Variants in PIK3AP1 observed in about 807,000 individuals in gnomAD.
PIK3AP1 encodes phosphoinositide-3-kinase adaptor protein 1, also known as phosphoinositide 3-kinase adapter protein 1.
PIK3AP1 carries 21 observed loss-of-function variants against 88.1 expected under a neutral mutation model. That is an observed-to-expected ratio of 0.24 (90% CI 0.17 to 0.34). The LOEUF (loss-of-function observed/expected upper bound fraction) is 0.34, where lower values mean the gene tolerates loss of function less well. Among genes scored for constraint, PIK3AP1 ranks in the 10% least tolerant of loss-of-function variants. The pLI, the probability that PIK3AP1 is intolerant of heterozygous loss-of-function variation, is 1.00. For synonymous variants in PIK3AP1, 398 were observed against 400.0 expected, an observed-to-expected ratio of 1.00 and a Z score of 0.06; for missense variants, 828 against 1,035.7, an observed-to-expected ratio of 0.80 and a Z score of 2.75.
At chr10:96,649,396 C>T (rs369399994) in intron 6 of PIK3AP1, among the ~76,000 whole-genome samples, 3 of 152,298 alleles carry the variant, frequency 2.0e-5, no homozygotes, top group East Asian at 3.9e-4. Flanking sequence ...ACCATCTTCT[C>T]TAACAGGACT....
intron 13 of PIK3AP1, among the ~76,000 whole-genome samples, chr10:96,614,065 G>A (rs926388733): frequency 5.9e-5 from 9 of 152,102 alleles, no homozygotes; most frequent in East Asian, 1.9e-4. Flanking sequence ...CTGCATGTGC[G>A]TCTGTCCTGC....
rs112380621 is a variant in PIK3AP1 at position 96,654,289 on chromosome 10, T to C, written c.568-1447A>G. On this transcript the variant is annotated intron_variant, in intron 3 of 16. Coordinates refer to ENST00000339364, the MANE Select transcript of PIK3AP1 (RefSeq NM_152309.3). ...GGGGAATGAGCCTCTCAGTCTGAAC[T>C]GGTGAGGGCAGGCTCTCCAAAAAAC... Among the ~76,000 whole-genome samples, 267 of 152,272 alleles carry C rather than the reference T, an allele frequency of 1.8e-3. 2 individuals carry two copies. The highest frequency in any genetic ancestry group is 6.8e-3 in the Middle Eastern group (2 of 294).
chr10:96,669,311 C>T (rs576890000), intron 2 of PIK3AP1, among the ~76,000 whole-genome samples: 23 of 152,232 alleles, frequency 1.5e-4, no homozygotes, highest in Middle Eastern at 3.4e-3. Flanking sequence ...TTCAAAGCCC[C>T]GAATAAAATG....
intron 2 of PIK3AP1, 77 bp from the exon 3 acceptor site, chr10:96,657,011 C>T (rs1221013585): frequency 1.5e-6 from 2 of 1,350,910 alleles, no homozygotes; most frequent in Non-Finnish European, 2.0e-6. Flanking sequence ...ATGAGAGCCC[C>T]AAATATTGCA....
At chr10:96,708,598 AAAAGCAAAAAG>A (rs1326844518) in intron 2 of PIK3AP1, among the ~76,000 whole-genome samples, 131 of 150,902 alleles carry the variant, frequency 8.7e-4, no homozygotes, top group African/African-American at 2.8e-3. Context: ...AAAAAAAAAA[AAAAGCAAAAAG>A]AAAGCAAAAA....
intron 2 of PIK3AP1, among the ~76,000 whole-genome samples, chr10:96,666,292 G>A (rs1184697859): frequency 2.6e-5 from 4 of 151,966 alleles, no homozygotes; most frequent in Non-Finnish European, 5.9e-5. Context: ...GGTAGCAGGC[G>A]CCTGTAGTCC....
In PIK3AP1 at chr10:96,636,417, TA is replaced by T. The variant is rs1272296557; in HGVS notation, c.1376-7925del. Among the ~76,000 whole-genome samples the T allele has an allele frequency of 2.3e-3, 344 of 152,290 alleles. 1 individual carries two copies. Among genetic ancestry groups the T allele is most frequent in the Non-Finnish European group, 3.6e-3 (246 of 68,034 alleles). On this transcript the variant is annotated intron_variant, in intron 8 of 16. Transcript: ENST00000339364. ...TAAAAGGTACCTGGTTACCTGGAGT[TA>T]ATGAGTGATAAAACCCTCTCAGGCT...
intron 2 of PIK3AP1, among the ~76,000 whole-genome samples, chr10:96,708,006 T>C (rs1047241341): frequency 3.9e-5 from 6 of 152,074 alleles, no homozygotes; most frequent in African/African-American, 1.5e-4. Flanking sequence ...TGGTTTAGAG[T>C]AGCCAATTCC....
intron 16 of PIK3AP1, among the ~76,000 whole-genome samples, chr10:96,600,555 C>G (rs970146593): frequency 1.1e-4 from 17 of 152,100 alleles, no homozygotes; most frequent in African/African-American, 3.6e-4. Flanking sequence ...TGGGCCTGGG[C>G]GATGTTTGAG....
intron 8 of PIK3AP1, among the ~76,000 whole-genome samples, chr10:96,634,276 C>T (rs1017965064): frequency 1.3e-5 from 2 of 152,188 alleles, no homozygotes; most frequent in African/African-American, 4.8e-5. Context: ...GGGTGGTCTC[C>T]AGACACAGGG....
chr10:96,696,529 G>A (rs1034639683), intron 2 of PIK3AP1, among the ~76,000 whole-genome samples: 1 of 152,180 alleles, frequency 6.6e-6, no homozygotes, highest in East Asian at 1.9e-4. Flanking sequence ...ATGGCTGGTG[G>A]AAACCAAATT....
intron 2 of PIK3AP1, among the ~76,000 whole-genome samples, chr10:96,682,804 T>G (rs961732879): frequency 6.6e-6 from 1 of 152,224 alleles, no homozygotes; most frequent in African/African-American, 2.4e-5. Flanking sequence ...AGATACAACT[T>G]TTCCATCTCT....
chr10:96,644,194 A>C (rs1843428762), intron 8 of PIK3AP1, among the ~76,000 whole-genome samples: 1 of 152,222 alleles, frequency 6.6e-6, no homozygotes, highest in Non-Finnish European at 1.5e-5. Flanking sequence ...ATTTAGGAAA[A>C]GGGGGAAGGA....
intron 2 of PIK3AP1, among the ~76,000 whole-genome samples, chr10:96,684,446 A>G (rs746667590): frequency 1.3e-5 from 2 of 152,234 alleles, no homozygotes; most frequent in African/African-American, 4.8e-5. Context: ...GGCCCAGCTC[A>G]GTGAGACAAG....
At chr10:96,638,471 GACAC>G (rs60796576) in intron 8 of PIK3AP1, among the ~76,000 whole-genome samples, 5,145 of 148,210 alleles carry the variant, frequency 0.035, 269 homozygotes, top group African/African-American at 0.12. Flanking sequence ...CACACACACA[GACAC>G]ACACACACAC....
chr10:96,679,723 C>T (rs1253995682), intron 2 of PIK3AP1, among the ~76,000 whole-genome samples: 3 of 152,158 alleles, frequency 2.0e-5, no homozygotes, highest in Non-Finnish European at 4.4e-5. Context: ...TGTTCAGCCA[C>T]AGCACCAAGG....
intron 14 of PIK3AP1, among the ~76,000 whole-genome samples, chr10:96,608,152 C>G (rs1849034376): frequency 6.6e-6 from 1 of 152,220 alleles, no homozygotes; most frequent in Admixed American, 6.5e-5. Flanking sequence ...TATTCAATTA[C>G]TCTGAACCTG....
chr10:96,604,023 G>T lies in PIK3AP1; in HGVS notation c.2197C>A (p.Arg733=). Residue 733 remains arginine, a synonymous_variant, in exon 15 of 17, where the codon CGG becomes AGG. Coordinates refer to ENST00000339364, the MANE Select transcript of PIK3AP1 (RefSeq NM_152309.3). ...ASSTSNRSST[R]SLLSVSSGME... Reference sequence around the variant, plus strand: ...CCGCTGCTCACACTGAGGAGGCTCCGGGTGCTGGAGCGGTTACTTGTGCTA... The same window carrying T: ...CCGCTGCTCACACTGAGGAGGCTCCTGGTGCTGGAGCGGTTACTTGTGCTA... The T allele has an allele frequency of 6.2e-7, 1 of 1,607,172 alleles. No homozygotes were observed.
At chr10:96,682,355 G>T (rs1371750257) in intron 2 of PIK3AP1, among the ~76,000 whole-genome samples, 1 of 152,020 alleles carries the variant, frequency 6.6e-6, no homozygotes, top group Non-Finnish European at 1.5e-5. Flanking sequence ...GGGTCATCAA[G>T]ATGGCTGAGT....
Sources: allele counts gnomAD v4.1 joint callset (sites outside exome capture counted in the v4.1 genomes callset), GRCh38; gene constraint gnomAD v4.1.1; transcripts MANE v1.5; gene names NCBI Gene and HGNC (gene_info 2026-07-23, HGNC 2026-07-21).